The following KCP variants were observed in gnomAD, a reference collection of about 807,000 sequenced individuals.
KCP encodes kielin/chordin-like protein.
Under a neutral mutation model 212.7 loss-of-function variants are expected in KCP, and 194 were observed. That is an observed-to-expected ratio of 0.91 (90% confidence interval 0.81 to 1.03). The LOEUF (loss-of-function observed/expected upper bound fraction) is 1.03, where lower values mean the gene tolerates loss of function less well. Ranked by LOEUF, KCP falls within the 50% of genes least tolerant of loss-of-function variation. The pLI is 0.00. For synonymous variants in KCP, 833 were observed against 865.3 expected, an observed-to-expected ratio of 0.96 and a Z score of 0.65; for missense variants, 2,080 against 2,162.5, an observed-to-expected ratio of 0.96 and a Z score of 0.76.
At position 128,893,821 on chromosome 7, in the gene KCP, A is replaced by G. The variant is rs550360955; in HGVS notation, c.1084T>C (p.Cys362Arg). The G allele has an allele frequency of 1.5e-4, 237 of 1,551,072 alleles. No homozygotes were observed. The South Asian group carries it at 2.7e-3, about 17-fold the overall frequency. The change falls in exon 11 of 40, where the codon TGC (cysteine) becomes CGC (arginine). Residue 362 changes from cysteine (C) to arginine (R), a missense_variant. By Grantham distance (180) the Cys-to-Arg change is radical. Transcript: ENST00000610776. ...RHPGKIPGQC[C>R]PVCDGCEYQG... is the part of the protein sequence containing the mutation. ...CCCCACTCACCATCGCAGACAGGGCAGCACTGCCCAGGGATCTTGCCTGGG... is the reference window on the plus strand; with the variant it reads ...CCCCACTCACCATCGCAGACAGGGCGGCACTGCCCAGGGATCTTGCCTGGG...
Position 128,904,128 on chromosome 7 carries a change from A to T in KCP, c.582T>A (p.Tyr194Ter), listed in dbSNP as rs572889012. The T allele has an allele frequency of 1.3e-6, 2 of 1,551,732 alleles. No homozygotes were observed. Among genetic ancestry groups the T allele is most frequent in the Non-Finnish European group, 1.7e-6 (2 of 1,146,956 alleles). Residue 194 changes from tyrosine to a stop codon, truncating the protein, a stop_gained, in exon 6 of 40, where the codon TAT becomes TAA. Transcript: ENST00000610776. LOFTEE classifies it high-confidence loss of function. The part of the protein sequence containing the change: ...CCPHCKPGCD[Y>*]EGQLYEEGVT... ...CCCCCTCCTCATAAAGCTGCCCCTC[A>T]TAATCACAGCCTGGGAAGGTTGGCA...
In KCP at chr7:128,892,768, A is replaced by T; in HGVS notation, c.1447T>A (p.Cys483Ser). 1 of 1,551,662 alleles carries T rather than the reference A, an allele frequency of 6.4e-7. No individual in the cohort carries two copies. Among genetic ancestry groups the T allele is most frequent in the Non-Finnish European group, 8.7e-7 (1 of 1,146,942 alleles). Residue 483 changes from cysteine to serine, a missense_variant, in exon 15 of 40, where the codon TGC becomes AGC. Coordinates refer to ENST00000610776, the MANE Select transcript of KCP (RefSeq NM_001366122.1). ...PGACCPSCDS[C>S]TYHSQVYANG... ...GCATACACTTGGCTGTGGTAGGTGC[A>T]GCTGTCACAGCTGGGGCAGCAGGCA...
Position 128,892,946 on chromosome 7 carries a change from A to G in KCP, c.1343T>C (p.Val448Ala), listed in dbSNP as rs1333347495. 1 of 1,415,440 alleles carries G rather than the reference A, an allele frequency of 7.1e-7. No individual in the cohort carries two copies. 87.7% of individuals were successfully genotyped at this position (1,415,440 alleles called of 1,614,324 possible). A position where few individuals can be genotyped will look rare whatever the true frequency, so the allele number is the denominator to read the frequency against. Residue 448 changes from valine to alanine, a missense_variant, in exon 14 of 40, where the codon GTC becomes GCC. By Grantham distance (64) the Val-to-Ala change is moderately conservative. Coordinates refer to ENST00000610776, the MANE Select transcript of KCP (RefSeq NM_001366122.1). Reference protein sequence around the residue: ...EPDGRPCTACVCQDGVPKCGA... With the variant: ...EPDGRPCTACACQDGVPKCGA... ...GCACTTGGGTACCCCATCTTGACAG[A>G]CGCAGGCGGTGCAGGGCCGACCATC...
rs923651421 is a variant in KCP, at chr7:128,893,915, G to C, written c.1006-16C>G. 1 of 1,550,894 alleles carries C rather than the reference G, an allele frequency of 6.4e-7. No individual in the cohort carries two copies. The highest frequency in any genetic ancestry group is 8.7e-7 in the Non-Finnish European group (1 of 1,146,810). The stretch of plus-strand genomic sequence containing the variant: ...CACTCCCATTCTGCCAACAGGGCCT[G>C]GTCAGCACGCCAGAGGCAGGCCCCG... On this transcript the variant is annotated splice_polypyrimidine_tract_variant and intron_variant, in intron 10 of 39. Transcript: ENST00000610776.
At chr7:128,904,677 C>G (rs568290774) in intron 5 of KCP, among the ~76,000 whole-genome samples, 1 of 152,334 alleles carries the variant, frequency 6.6e-6, no homozygotes, top group East Asian at 1.9e-4. Context: ...CCCTGGATGC[C>G]ATGTTTCCCC....
At chr7:128,893,714 G>T (rs370273217) in intron 11 of KCP, 92 bp downstream of exon 11, 11 of 1,362,148 alleles carry the variant, frequency 8.1e-6, no homozygotes, top group African/African-American at 1.4e-5. Flanking sequence ...GGGTAACAGG[G>T]GCTTAGGTCC....
Position 128,878,600 on chromosome 7 carries a change from C to T in KCP, c.4269G>A (p.Gly1423=). ...ACGCAGCCTCCGAGGGCAGGAGCAG[C>T]CCCTCAGGGCCCTGCAGATCGTCCT... ...FAQDDLQGPE[G]LLLPSEAAFG... Residue 1423 remains glycine (G), a synonymous_variant, in exon 38 of 40, where the codon GGG becomes GGA. Coordinates refer to ENST00000610776, the MANE Select transcript of KCP (RefSeq NM_001366122.1). 6.4e-7 allele frequency: 1 copy of T among 1,551,462 alleles called. No individual in the cohort carries two copies. Among genetic ancestry groups the T allele is most frequent in the Non-Finnish European group, 8.7e-7 (1 of 1,146,974 alleles).
At chr7:128,888,653 CACACACACACAGAGCCACACAT>C in intron 22 of KCP, among the ~76,000 whole-genome samples, 188 bp downstream of exon 22, 1 of 151,458 alleles carries the variant, frequency 6.6e-6, no homozygotes. Context: ...CATACACAGC[CACACACACACAGAGCCACACAT>C]ACACACACAC....
intron 21 of KCP, 113 bp from the exon 22 acceptor site, chr7:128,889,152 C>A (rs781221070): frequency 1.5e-6 from 1 of 651,718 alleles, no homozygotes; most frequent in Non-Finnish European, 2.2e-6. Flanking sequence ...AAAGATCTAG[C>A]GTGGGGGCTG....
intron 22 of KCP, among the ~76,000 whole-genome samples, chr7:128,888,506 ACACACACAGC>A (rs1280337949): frequency 6.6e-6 from 1 of 151,552 alleles, no homozygotes; most frequent in Non-Finnish European, 1.5e-5. Flanking sequence ...ACACAGGCCA[ACACACACAGC>A]CACACACAGA....
At chr7:128,909,672 A>T (rs1336784841) in intron 1 of KCP, among the ~76,000 whole-genome samples, 1 of 151,576 alleles carries the variant, frequency 6.6e-6, no homozygotes, top group Non-Finnish European at 1.5e-5. Context: ...CCTTCTCTCC[A>T]CTCGACCTTT....
Position 128,877,756 on chromosome 7 carries a change from GA to G in KCP, c.4345del (p.Ser1449LeufsTer27), listed in dbSNP as rs1443043205. 1 of 1,550,212 alleles carries G rather than the reference GA, an allele frequency of 6.5e-7. No homozygotes were observed. Among genetic ancestry groups the G allele is most frequent in the African/African-American group, 1.4e-5 (1 of 73,062 alleles). On this transcript the variant is annotated frameshift_variant, in exon 39 of 40. Coordinates refer to ENST00000610776, the MANE Select transcript of KCP (RefSeq NM_001366122.1). LOFTEE classifies it high-confidence loss of function. ...GCACGGATCCACCTCTCGGCCTGCA[GA>G]ACAGGGCCGGCCAGGCCACAGCCCC... ...SEGLWPGRPC[S>X]AGREVDPCRA...
chr7:128,899,827 A>C (rs561771246), intron 8 of KCP, among the ~76,000 whole-genome samples: 1 of 152,348 alleles, frequency 6.6e-6, no homozygotes, highest in Admixed American at 6.5e-5. Flanking sequence ...CTGGAATGGC[A>C]TACCTTAAGG....
At position 128,879,455 on chromosome 7, in the gene KCP, TAC is replaced by T. The variant is rs1793181479; in HGVS notation, c.4146+65_4146+66del. The T allele has an allele frequency of 6.6e-6, 9 of 1,371,372 alleles. No homozygotes were observed. In the Admixed American group the frequency reaches 1.2e-4, roughly 19 times the overall value. The allele number at this position is 1,371,372 out of a possible 1,614,324, so 85.0% of individuals were successfully genotyped here. A position where few individuals can be genotyped will look rare whatever the true frequency, so the allele number is the denominator to read the frequency against. ...CTGGCATCCCCACCCCCTCTACAGA[TAC>T]AGAGGCCTAAACAGGACTGAAGCTC... On this transcript the variant is annotated intron_variant, in intron 37 of 39. Coordinates refer to ENST00000610776, the MANE Select transcript of KCP (RefSeq NM_001366122.1).
rs760780202 is a variant in KCP at position 128,892,494 on chromosome 7, C to T, written c.1621+20G>A. On this transcript the variant is annotated intron_variant, in intron 16 of 39. Transcript: ENST00000610776. ...CCTCTGGGGCCCTGATCCCCTCAGGCCCAGTGAGTGCCCACATACCTGGGC... is the reference window on the plus strand; with the variant it reads ...CCTCTGGGGCCCTGATCCCCTCAGGTCCAGTGAGTGCCCACATACCTGGGC... The T allele has an allele frequency of 4.0e-6, 6 of 1,493,834 alleles. No individual in the cohort carries two copies. The South Asian group carries it at 8.0e-5, about 20-fold the overall frequency. The allele number at this position is 1,493,834 out of a possible 1,614,324, so 92.5% of individuals were successfully genotyped here.
chr7:128,895,410 C>T (rs1794458159), intron 8 of KCP, among the ~76,000 whole-genome samples: 1 of 152,172 alleles, frequency 6.6e-6, no homozygotes, highest in South Asian at 2.1e-4. Flanking sequence ...CCCAAAAGAC[C>T]CCATGCCTTG....
chr7:128,879,321 G>A (rs922463511), intron 37 of KCP: 15 of 571,474 alleles, frequency 2.6e-5, no homozygotes, highest in Non-Finnish European at 3.4e-5. Flanking sequence ...ATTAGAAATC[G>A]GGCTCAGAAC....
intron 5 of KCP, among the ~76,000 whole-genome samples, chr7:128,905,713 C>A (rs1248495903): frequency 6.6e-6 from 1 of 152,160 alleles, no homozygotes; most frequent in Admixed American, 6.5e-5. Flanking sequence ...GTCCTAATTG[C>A]AAGGCTTACA....
rs1217183471 is a variant in KCP, at chr7:128,903,811, C to T, written c.664G>A (p.Val222Ile). 5 of 1,525,628 alleles carry T rather than the reference C, an allele frequency of 3.3e-6. No individual in the cohort carries two copies. Among genetic ancestry groups the T allele is most frequent in the Admixed American group, 4.0e-5 (2 of 49,970 alleles). The allele number at this position is 1,525,628 out of a possible 1,614,324, so 94.5% of individuals were successfully genotyped here. A position where few individuals can be genotyped will look rare whatever the true frequency, so the allele number is the denominator to read the frequency against. Residue 222 changes from valine (V) to isoleucine (I), a missense_variant, in exon 7 of 40, where the codon GTT becomes ATT. By Grantham distance (29) the Val-to-Ile change is conservative. Transcript: ENST00000610776. ...GGGCACTTCAGGGCCATGCAGCGAA[C>T]TCGGCTCCTCTGTAATGCACCAGTG... ...CLQCTCLRSR[V>I]RCMALKCPPS...
Sources: allele counts gnomAD v4.1 joint callset (sites outside exome capture counted in the v4.1 genomes callset), GRCh38; gene constraint gnomAD v4.1.1; transcripts MANE v1.5; gene names NCBI Gene and HGNC (gene_info 2026-07-23, HGNC 2026-07-21).